Variants in MTAP observed in about 807,000 individuals in gnomAD.
MTAP encodes methylthioadenosine phosphorylase.
MTAP carries 33 observed loss-of-function variants against 33.6 expected under a neutral mutation model. That is an observed-to-expected ratio of 0.98 (90% CI 0.74 to 1.31). The LOEUF (loss-of-function observed/expected upper bound fraction) is 1.31, where lower values mean the gene tolerates loss of function less well. MTAP is among the 40% of genes most tolerant of loss of function. MTAP has a pLI of 0.00. For synonymous variants in MTAP, 148 were observed against 125.7 expected, an observed-to-expected ratio of 1.18 and a Z score of -1.19; for missense variants, 367 against 360.0, an observed-to-expected ratio of 1.02 and a Z score of -0.16.
intron 1 of MTAP, among the ~76,000 whole-genome samples, chr9:21,916,483 A>G (rs950147508): frequency 7.2e-5 from 11 of 152,190 alleles, no homozygotes; most frequent in African/African-American, 1.9e-4. Context: ...GGTGGCAGGC[A>G]CTTGTAATCC....
chr9:21,822,759 G>A (rs1001760587), intron 4 of MTAP, among the ~76,000 whole-genome samples: 1 of 152,160 alleles, frequency 6.6e-6, no homozygotes, highest in African/African-American at 2.4e-5. Flanking sequence ...TATTGTGTGG[G>A]AGTCTAAGTC....
chr9:21,870,497 C>G (rs113000414), downstream of MTAP, among the ~76,000 whole-genome samples: 2 of 152,302 alleles, frequency 1.3e-5, no homozygotes, highest in African/African-American at 4.8e-5. Context: ...CTGACTTACT[C>G]CAGCCTCTTT....
chr9:21,854,605 T>C, intron 5 of MTAP, 26 bp from the exon 6 acceptor site: 1 of 1,522,860 alleles, frequency 6.6e-7, no homozygotes, highest in Non-Finnish European at 8.8e-7. Context: ...TAGTATGTTT[T>C]GAAGTTTCTG....
chr9:21,933,905 T>A (rs1167731789), downstream of MTAP: 1 of 152,250 alleles, frequency 6.6e-6, no homozygotes, highest in East Asian at 1.9e-4. Flanking sequence ...ACAAATTAAG[T>A]ATTTTTTAAA....
intron 4 of MTAP, among the ~76,000 whole-genome samples, chr9:21,831,527 A>G (rs569984179): frequency 5.7e-4 from 87 of 151,678 alleles, no homozygotes; most frequent in East Asian, 1.9e-4. Flanking sequence ...GGGTCTCACT[A>G]TGTTGCCCAG....
intron 5 of MTAP, among the ~76,000 whole-genome samples, chr9:21,848,457 T>A (rs1755367099): frequency 9.9e-6 from 1 of 100,882 alleles, no homozygotes; most frequent in Non-Finnish European, 2.3e-5. Flanking sequence ...ATTCTGCATT[T>A]AATGTTGCAG....
intron 6 of MTAP, among the ~76,000 whole-genome samples, chr9:21,855,944 A>G: frequency 6.6e-6 from 1 of 152,244 alleles, no homozygotes; most frequent in East Asian, 1.9e-4. Context: ...TCTTAATATA[A>G]TCAAATATTC....
chr9:21,896,018 A>G (rs565158057), intron 1 of MTAP, among the ~76,000 whole-genome samples: 37 of 152,196 alleles, frequency 2.4e-4, no homozygotes, highest in Middle Eastern at 3.4e-3. Context: ...GAAGTAAAGC[A>G]CTCCTCAGCA....
At chr9:21,877,387 A>G (rs781615149) in intron 1 of MTAP, among the ~76,000 whole-genome samples, 9 of 152,106 alleles carry the variant, frequency 5.9e-5, no homozygotes, top group Non-Finnish European at 1.0e-4. Flanking sequence ...AGGACATCCA[A>G]TGCAATGTTG....
chr9:21,914,048 C>T lies in MTAP; in HGVS notation c.148-16960C>T, dbSNP rs928979455. Among the ~76,000 whole-genome samples, 11 of 152,302 alleles carry T rather than the reference C, an allele frequency of 7.2e-5. No individual in the cohort carries two copies. In the East Asian group the frequency reaches 1.9e-3, roughly 27 times the overall value. ...TGAAAAAATGCTCATCATCACTGGC[C>T]ATCAGAGAAATGCAAATCAAAATCA... On this transcript the variant is annotated intron_variant, in intron 1 of 1. Transcript: ENST00000577563.
intron 5 of MTAP, among the ~76,000 whole-genome samples, chr9:21,838,899 A>G (rs1825175309): frequency 6.6e-6 from 1 of 152,256 alleles, no homozygotes; most frequent in African/African-American, 2.4e-5. Context: ...ATAAATACCT[A>G]AACACGTTAG....
At chr9:21,916,971 C>T (rs1182744570) in intron 1 of MTAP, among the ~76,000 whole-genome samples, 1 of 151,966 alleles carries the variant, frequency 6.6e-6, no homozygotes, top group Admixed American at 6.6e-5. Context: ...TGATAGAAGT[C>T]AAGGTGAAGA....
Position 21,865,038 on chromosome 9 carries a change from G to A in MTAP, c.*3024G>A. On this transcript the variant is annotated 3_prime_UTR_variant, in exon 8 of 8. Transcript: ENST00000644715. ...CTGATGGGTTAGGAAGTCACGAAAT[G>A]AGGAGTTCTTGCCACATTTGCAGAG... 3 of 985,460 alleles carry A rather than the reference G, an allele frequency of 3.0e-6. No individual in the cohort carries two copies. The highest frequency in any genetic ancestry group is 3.6e-6 in the Non-Finnish European group (3 of 829,948). 61.0% of individuals were successfully genotyped at this position (985,460 alleles called of 1,614,324 possible).
At chr9:21,940,224 C>A (rs985714276), downstream of MTAP, among the ~76,000 whole-genome samples, 1 of 152,216 alleles carries the variant, frequency 6.6e-6, no homozygotes, top group African/African-American at 2.4e-5. Context: ...CTTGGAAAGA[C>A]TTTTTAAATT....
At chr9:21,887,867 G>A (rs927674837) in intron 1 of MTAP, among the ~76,000 whole-genome samples, 1 of 152,082 alleles carries the variant, frequency 6.6e-6, no homozygotes, top group Non-Finnish European at 1.5e-5. Flanking sequence ...TATATCCTAA[G>A]TTTTGTGTGG....
chr9:21,935,646 G>C (rs749736564), downstream of MTAP: 19 of 152,064 alleles, frequency 1.2e-4, 1 homozygote, highest in Non-Finnish European at 7.4e-5. Flanking sequence ...TCTGAGCTAC[G>C]TTTCTTTCTC....
At chr9:21,842,799 G>GCGTA in intron 5 of MTAP, among the ~76,000 whole-genome samples, 1 of 152,076 alleles carries the variant, frequency 6.6e-6, no homozygotes, top group Non-Finnish European at 1.5e-5. Flanking sequence ...CACCAAAATA[G>GCGTA]AACCTCATTA....
chr9:21,811,595 C>T (rs1824350938), intron 1 of MTAP: 1 of 466,796 alleles, frequency 2.1e-6, no homozygotes, highest in Non-Finnish European at 4.3e-6. Context: ...CACTTCCACC[C>T]TTTACACAGT....
intron 7 of MTAP, 106 bp from the exon 8 acceptor site, chr9:21,861,870 G>T (rs567794387): frequency 3.2e-5 from 25 of 786,698 alleles, no homozygotes; most frequent in Non-Finnish European, 5.1e-5. Flanking sequence ...TATGTTTCCT[G>T]CGTCCTCACT....
Sources: allele counts gnomAD v4.1 joint callset (sites outside exome capture counted in the v4.1 genomes callset), GRCh38; gene constraint gnomAD v4.1.1; transcripts MANE v1.5; gene names NCBI Gene and HGNC (gene_info 2026-07-23, HGNC 2026-07-21).